CSTF2T: variants seen among roughly 807,000 people sequenced by gnomAD.
The protein encoded by CSTF2T is cleavage stimulation factor subunit 2 tau variant.
Under a neutral mutation model 39.9 loss-of-function variants are expected in CSTF2T, and 18 were observed. The ratio of observed to expected loss-of-function variants is 0.45; its 90% CI spans 0.31 to 0.67. The LOEUF is 0.67. CSTF2T is among the 30% of genes least tolerant of loss of function. The probability of loss-of-function intolerance (pLI) is 0.06; values close to 1 mark genes in which losing one functional copy is unlikely to be tolerated. For missense variants in CSTF2T, 681 were observed against 789.0 expected, an observed-to-expected ratio of 0.86 and a Z score of 1.64; for synonymous variants, 291 against 276.4, an observed-to-expected ratio of 1.05 and a Z score of -0.52.
Position 51,699,530 on chromosome 10 carries a change from C to G in CSTF2T, c.20G>C (p.Arg7Thr). ...CAGTGATCGATCCATTGCCGGGTCT[C>G]TCACCGCCAAACTCGACATGATTCC... Reference protein sequence around the residue: MSSLAVRDPAMDRSLRS... With the variant: MSSLAVTDPAMDRSLRS... Residue 7 changes from arginine (R) to threonine (T), a missense_variant, in exon 1 of 1, where the codon AGA (arginine) becomes ACA (threonine). Arg to Thr is a moderately conservative substitution (Grantham distance 71). Transcript: ENST00000331173. The G allele has an allele frequency of 6.2e-7, 1 of 1,611,210 alleles. No homozygotes were observed. Among genetic ancestry groups the G allele is most frequent in the Non-Finnish European group, 8.5e-7 (1 of 1,178,576 alleles).
chr10:51,697,489 A>G lies in CSTF2T; in HGVS notation c.*210T>C. 1 of 579,316 alleles carries G rather than the reference A, an allele frequency of 1.7e-6. No homozygotes were observed. 35.9% of individuals were successfully genotyped at this position (579,316 alleles called of 1,614,324 possible). A position where few individuals can be genotyped will look rare whatever the true frequency, so the allele number is the denominator to read the frequency against. On this transcript the variant is annotated 3_prime_UTR_variant, in exon 1 of 1. Coordinates refer to ENST00000331173, the MANE Select transcript of CSTF2T (RefSeq NM_015235.3). ...TTCAGAGTTATTTTAAAGTAACTTA[A>G]AGTGAACAGACGCACTCCCTCCTCC...
chr10:51,696,297 C>T lies in CSTF2T; in HGVS notation c.*1402G>A, dbSNP rs1841290420. ...ACTCCTGTCTGGTGGAGCAAATGGA[C>T]ACCATCTGTATAAGAAAGCCAGATA... On this transcript the variant is annotated 3_prime_UTR_variant, in exon 1 of 1. Coordinates refer to ENST00000331173, the MANE Select transcript of CSTF2T (RefSeq NM_015235.3). 1 of 152,118 alleles carries T rather than the reference C, an allele frequency of 6.6e-6. No individual in the cohort carries two copies. The allele number at this position is 152,118 out of a possible 1,614,324, so 9.4% of individuals were successfully genotyped here.
chr10:51,698,612 G>C lies in CSTF2T; in HGVS notation c.938C>G (p.Pro313Arg). 4 of 1,613,948 alleles carry C rather than the reference G, an allele frequency of 2.5e-6. No individual in the cohort carries two copies. The highest frequency in any genetic ancestry group is 3.4e-6 in the Non-Finnish European group (4 of 1,180,036). Reference protein sequence around the residue: ...GQVQMSDPRAPIPRGPVTPGG... With the variant: ...GQVQMSDPRARIPRGPVTPGG... ...AGGAGTCACGGGTCCGCGAGGTATA[G>C]GAGCTCTAGGATCTGACATCTGCAC... is the stretch of plus-strand genomic sequence containing the variant. Residue 313 changes from proline (P) to arginine (R), a missense_variant, in exon 1 of 1, where the codon CCT (proline) becomes CGT (arginine). Around this residue, in one of 4 missense-constraint regions of CSTF2T, gnomAD observed 329 missense variants for 344.1 expected, o/e 0.96. Transcript: ENST00000331173.
In CSTF2T at chr10:51,699,163, G is replaced by A; in HGVS notation, c.387C>T (p.Thr129=). The part of the protein sequence containing the change: ...IDPEDAPESI[T]RAVASLPPEQ... ...CCGGGGGGAGACTGGCTACTGCTCTGGTAATCGATTCAGGGGCATCTTCTG... is the reference window on the plus strand; with the variant it reads ...CCGGGGGGAGACTGGCTACTGCTCTAGTAATCGATTCAGGGGCATCTTCTG... Residue 129 remains threonine (T), a synonymous_variant, in exon 1 of 1, where the codon ACC becomes ACT. Coordinates refer to ENST00000331173, the MANE Select transcript of CSTF2T (RefSeq NM_015235.3). 3 of 1,614,162 alleles carry A rather than the reference G, an allele frequency of 1.9e-6. No individual in the cohort carries two copies. Among genetic ancestry groups the A allele is most frequent in the Non-Finnish European group, 2.5e-6 (3 of 1,180,022 alleles).
At position 51,697,559 on chromosome 10, in the gene CSTF2T, A is replaced by G. The variant is rs1841330602; in HGVS notation, c.*140T>C. On this transcript the variant is annotated 3_prime_UTR_variant, in exon 1 of 1. Coordinates refer to ENST00000331173, the MANE Select transcript of CSTF2T (RefSeq NM_015235.3). Reference sequence around the variant, plus strand: ...AAAAAGGAAAACAGAAAGAAAGAAAAAGAACAAAAAATAAGATTAGGTTCT... The same window carrying G: ...AAAAAGGAAAACAGAAAGAAAGAAAGAGAACAAAAAATAAGATTAGGTTCT... 2.3e-6 allele frequency: 2 copies of G among 874,040 alleles called. No homozygotes were observed. The highest frequency in any genetic ancestry group is 3.4e-5 in the African/African-American group (2 of 58,138). 54.1% of individuals were successfully genotyped at this position (874,040 alleles called of 1,614,324 possible). A position where few individuals can be genotyped will look rare whatever the true frequency, so the allele number is the denominator to read the frequency against.
At position 51,699,216 on chromosome 10, in the gene CSTF2T, C is replaced by A; in HGVS notation, c.334G>T (p.Asp112Tyr). Residue 112 changes from aspartate to tyrosine, a missense_variant, in exon 1 of 1, where the codon GAC becomes TAC. Transcript: ENST00000331173. The stretch of plus-strand genomic sequence containing the variant: ...TCGATGGGATCCCCATAGGGTGAGT[C>A]AATAATGGGCGCTGCAGGCCCAAGG... ...KSLGPAAPII[D>Y]SPYGDPIDPE... The A allele has an allele frequency of 4.3e-6, 7 of 1,614,132 alleles. No individual in the cohort carries two copies. The highest frequency in any genetic ancestry group is 5.9e-6 in the Non-Finnish European group (7 of 1,180,016).
Position 51,698,124 on chromosome 10 carries a change from G to C in CSTF2T, c.1426C>G (p.Gln476Glu), listed in dbSNP as rs1236453889. The C allele has an allele frequency of 1.6e-5, 26 of 1,614,016 alleles. No homozygotes were observed. The highest frequency in any genetic ancestry group is 2.5e-6 in the Non-Finnish European group (3 of 1,180,036). ...CCTATATTAATGGGACCAGGACCCT[G>C]AATTCCACCAGTCATAGGGCCTCTT... ...SSRGPMTGGI[Q>E]GPGPINIGAG... The change falls in exon 1 of 1, where the codon CAG becomes GAG. Residue 476 changes from glutamine to glutamate, a missense_variant. By Grantham distance (29) the Gln-to-Glu change is conservative (BLOSUM62 2). Around this residue, in one of 4 missense-constraint regions of CSTF2T, gnomAD observed 282 missense variants for 289.2 expected, o/e 0.98. Transcript: ENST00000331173.
Position 51,698,985 on chromosome 10 carries a change from T to C in CSTF2T, c.565A>G (p.Lys189Glu), listed in dbSNP as rs746112702. ...ACATGTATCTTCCGATGCAGAATTT[T>C]CAGAGCAATCTCTGGATCCATGATT... ...MRIMDPEIALKILHRKIHVTP... is the reference protein window; with the variant it reads ...MRIMDPEIALEILHRKIHVTP... Residue 189 changes from lysine (K) to glutamate (E), a missense_variant, in exon 1 of 1, where the codon AAA becomes GAA. Around this residue, in one of 4 missense-constraint regions of CSTF2T, gnomAD observed 329 missense variants for 344.1 expected, o/e 0.96. Transcript: ENST00000331173. The C allele has an allele frequency of 1.2e-6, 2 of 1,614,240 alleles. No individual in the cohort carries two copies. Among genetic ancestry groups the C allele is most frequent in the Non-Finnish European group, 1.7e-6 (2 of 1,180,046 alleles).
chr10:51,697,953 T>C lies in CSTF2T; in HGVS notation c.1597A>G (p.Ile533Val), dbSNP rs1335091370. ...CCTCCTTGTATACTGACTCCTTGTA[T>C]GCCTGCCCCCTGCATCCCTCCTCCT... ...IQGGGMQGAG[I>V]QGVSIQGGGI... Residue 533 changes from isoleucine (I) to valine (V), a missense_variant, in exon 1 of 1, where the codon ATA (isoleucine) becomes GTA (valine). This residue lies in a region of CSTF2T where 282 missense variants were observed against 289.2 expected (regional missense o/e 0.98). Transcript: ENST00000331173. The C allele has an allele frequency of 1.3e-6, 2 of 1,599,554 alleles. No homozygotes were observed. The highest frequency in any genetic ancestry group is 1.8e-5 in the Admixed American group (1 of 56,664).
In CSTF2T at chr10:51,699,012, T is replaced by G. The variant is rs1302826198; in HGVS notation, c.538A>C (p.Arg180=). 1 of 1,614,132 alleles carries G rather than the reference T, an allele frequency of 6.2e-7. No individual in the cohort carries two copies. The highest frequency in any genetic ancestry group is 1.3e-5 in the African/African-American group (1 of 74,948). The stretch of plus-strand genomic sequence containing the variant: ...AGAGCAATCTCTGGATCCATGATTC[T>G]CATCACTACTTGTGCCTGCAACAGT... ...YALLQAQVVM[R]IMDPEIALKI... Residue 180 remains arginine, a synonymous_variant, in exon 1 of 1, where the codon AGA becomes CGA. Coordinates refer to ENST00000331173, the MANE Select transcript of CSTF2T (RefSeq NM_015235.3).
In CSTF2T at chr10:51,698,435, G is replaced by A; in HGVS notation, c.1115C>T (p.Thr372Ile). The change falls in exon 1 of 1, where the codon ACT becomes ATT. Residue 372 changes from threonine to isoleucine, a missense_variant. By Grantham distance (89) the Thr-to-Ile change is moderately conservative. This residue lies in a region of CSTF2T where 329 missense variants were observed against 344.1 expected (regional missense o/e 0.96). Transcript: ENST00000331173. The part of the protein sequence containing the change: ...PPMHHASGHD[T>I]RGPSSHEMRG... ...CATCTCATGTGAGGAAGGGCCACGA[G>A]TGTCATGACCAGAGGCATGATGCAT... 1.2e-6 allele frequency: 2 copies of A among 1,614,154 alleles called. No homozygotes were observed. Among genetic ancestry groups the A allele is most frequent in the Non-Finnish European group, 1.7e-6 (2 of 1,180,040 alleles).
Position 51,699,229 on chromosome 10 carries a change from T to C in CSTF2T, c.321A>G (p.Ala107=). Reference sequence around the variant, plus strand: ...CATAGGGTGAGTCAATAATGGGCGCTGCAGGCCCAAGGCTCTTTAACTCCT... The same window carrying C: ...CATAGGGTGAGTCAATAATGGGCGCCGCAGGCCCAAGGCTCTTTAACTCCT... ...NKEELKSLGP[A]APIIDSPYGD... is the part of the protein sequence containing the mutation. Residue 107 remains alanine, a synonymous_variant, in exon 1 of 1, where the codon GCA becomes GCG. Coordinates refer to ENST00000331173, the MANE Select transcript of CSTF2T (RefSeq NM_015235.3). 1 of 1,613,984 alleles carries C rather than the reference T, an allele frequency of 6.2e-7. No homozygotes were observed. The highest frequency in any genetic ancestry group is 8.5e-7 in the Non-Finnish European group (1 of 1,180,014).
rs1014300719 is a variant in CSTF2T, at chr10:51,696,153, T to C, written c.*1546A>G. ...GTAAGTCAAGTGAGTATTCAGGCTA[T>C]ATAAAAACTTCTACCTACCTGGGCC... On this transcript the variant is annotated 3_prime_UTR_variant, in exon 1 of 1. Transcript: ENST00000331173. 1.3e-5 allele frequency: 2 copies of C among 152,148 alleles called. No individual in the cohort carries two copies. The highest frequency in any genetic ancestry group is 4.8e-5 in the African/African-American group (2 of 41,402). The allele number at this position is 152,148 out of a possible 1,614,324, so 9.4% of individuals were successfully genotyped here.
At position 51,697,636 on chromosome 10, in the gene CSTF2T, G is replaced by C. The variant is rs140943180; in HGVS notation, c.*63C>G. The C allele has an allele frequency of 5.8e-4, 881 of 1,519,068 alleles. 5 individuals are homozygous for C. The African/African-American group carries it at 0.011, about 19-fold the overall frequency. 94.1% of individuals were successfully genotyped at this position (1,519,068 alleles called of 1,614,324 possible). A position where few individuals can be genotyped will look rare whatever the true frequency, so the allele number is the denominator to read the frequency against. ...GTGGGGATACAGAAGTCAGCTTTTT[G>C]CACCCATTCTCCATGCTACAGAATA... On this transcript the variant is annotated 3_prime_UTR_variant, in exon 1 of 1. Transcript: ENST00000331173.
rs1020103377 is a variant in CSTF2T at position 51,695,501 on chromosome 10, T to C, written c.*2198A>G. 2.6e-5 allele frequency: 4 copies of C among 152,202 alleles called. No individual in the cohort carries two copies. 9.4% of individuals were successfully genotyped at this position (152,202 alleles called of 1,614,324 possible). A position where few individuals can be genotyped will look rare whatever the true frequency, so the allele number is the denominator to read the frequency against. On this transcript the variant is annotated 3_prime_UTR_variant, in exon 1 of 1. Coordinates refer to ENST00000331173, the MANE Select transcript of CSTF2T (RefSeq NM_015235.3). ...GATACTAATGTCAGCCTTAATTGTATCTTTATTTTCTGCATGAAACAATGC... is the reference window on the plus strand; with the variant it reads ...GATACTAATGTCAGCCTTAATTGTACCTTTATTTTCTGCATGAAACAATGC...
Position 51,697,983 on chromosome 10 carries a change from T to C in CSTF2T, c.1567A>G (p.Ile523Val). ...IQGTGMQGAG[I>V]QGGGMQGAGI... is the part of the protein sequence containing the mutation. ...GCCCCCTGCATCCCTCCTCCTTGTA[T>C]GCCTGCTCCCTGCATGCCTGTTCCT... Residue 523 changes from isoleucine (I) to valine (V), a missense_variant, in exon 1 of 1, where the codon ATA becomes GTA. This residue lies in a region of CSTF2T where 282 missense variants were observed against 289.2 expected (regional missense o/e 0.98). Transcript: ENST00000331173. The C allele has an allele frequency of 6.2e-7, 1 of 1,609,408 alleles. No homozygotes were observed. The highest frequency in any genetic ancestry group is 8.5e-7 in the Non-Finnish European group (1 of 1,177,636).
Position 51,697,547 on chromosome 10 carries a change from G to T in CSTF2T, c.*152C>A. ...CTCAATTAAAAAAAAAAGGAAAACAGAAAGAAAGAAAAAGAACAAAAAATA... is the reference window on the plus strand; with the variant it reads ...CTCAATTAAAAAAAAAAGGAAAACATAAAGAAAGAAAAAGAACAAAAAATA... On this transcript the variant is annotated 3_prime_UTR_variant, in exon 1 of 1. Transcript: ENST00000331173. 2.6e-6 allele frequency: 2 copies of T among 784,096 alleles called. No homozygotes were observed. Among genetic ancestry groups the T allele is most frequent in the Non-Finnish European group, 3.9e-6 (2 of 507,346 alleles). 48.6% of individuals were successfully genotyped at this position (784,096 alleles called of 1,614,324 possible).
In CSTF2T at chr10:51,697,979, T is replaced by C; in HGVS notation, c.1571A>G (p.Gln524Arg). Residue 524 changes from glutamine (Q) to arginine (R), a missense_variant, in exon 1 of 1, where the codon CAA becomes CGA. By Grantham distance (43) the Gln-to-Arg change is conservative. This residue lies in a region of CSTF2T where 282 missense variants were observed against 289.2 expected (regional missense o/e 0.98). Transcript: ENST00000331173. Reference sequence around the variant, plus strand: ...GCCTGCCCCCTGCATCCCTCCTCCTTGTATGCCTGCTCCCTGCATGCCTGT... The same window carrying C: ...GCCTGCCCCCTGCATCCCTCCTCCTCGTATGCCTGCTCCCTGCATGCCTGT... ...QGTGMQGAGI[Q>R]GGGMQGAGIQ... 6.2e-7 allele frequency: 1 copy of C among 1,607,848 alleles called. No individual in the cohort carries two copies. Among genetic ancestry groups the C allele is most frequent in the Non-Finnish European group, 8.5e-7 (1 of 1,176,906 alleles).
In CSTF2T at chr10:51,696,789, C is replaced by A. The variant is rs1841304826; in HGVS notation, c.*910G>T. The A allele has an allele frequency of 6.6e-6, 1 of 152,110 alleles. No homozygotes were observed. 9.4% of individuals were successfully genotyped at this position (152,110 alleles called of 1,614,324 possible). On this transcript the variant is annotated 3_prime_UTR_variant, in exon 1 of 1. Coordinates refer to ENST00000331173, the MANE Select transcript of CSTF2T (RefSeq NM_015235.3). ...TCAGATCTTTACTTAGTGAAACCTT[C>A]CACTACTTATGAAAAGTCAAATACC...
Sources: gnomAD v4.1 joint callset for allele counts on GRCh38, gnomAD v4.1.1 for gene constraint, gnomAD v4.1.1 regional missense constraint, MANE v1.5 for transcripts, NCBI Gene and HGNC (gene_info 2026-07-23, HGNC 2026-07-21) for gene names.